The following AKAP6 variants were observed in gnomAD, a reference collection of about 807,000 sequenced individuals.
The protein encoded by AKAP6 is A-kinase anchoring protein 6, also known as A-kinase anchor protein 6.
A neutral mutation model predicts 188.5 loss-of-function variants in AKAP6; 58 were observed. The ratio of observed to expected loss-of-function variants is 0.31; its 90% CI spans 0.25 to 0.38. AKAP6 has a LOEUF of 0.38. Among genes scored for constraint, AKAP6 ranks in the 10% least tolerant of loss-of-function variants. The pLI, the probability that AKAP6 is intolerant of heterozygous loss-of-function variation, is 1.00. For synonymous variants in AKAP6, 989 were observed against 998.6 expected (o/e 0.99, Z 0.18); for missense variants, 2,710 against 2,740.0 (o/e 0.99, Z 0.24).
chr14:32,339,251 G>A (rs11621646), intron 1 of AKAP6, among the ~76,000 whole-genome samples: 8,958 of 152,192 alleles, frequency 0.059, 373 homozygotes, highest in Non-Finnish European at 0.081. Flanking sequence ...ATAACCCTGT[G>A]AGAGGAGGCC....
chr14:32,639,038 T>C (rs1432837499), intron 7 of AKAP6, among the ~76,000 whole-genome samples: 1 of 152,046 alleles, frequency 6.6e-6, no homozygotes, highest in Non-Finnish European at 1.5e-5. Flanking sequence ...ACTTCATATA[T>C]ATATAGGATT....
intron 1 of AKAP6, among the ~76,000 whole-genome samples, chr14:32,347,062 A>G (rs1263935516): frequency 1.3e-5 from 2 of 152,210 alleles, no homozygotes; most frequent in East Asian, 1.9e-4. Flanking sequence ...TCTCAGCTCT[A>G]TTTTGTTTTA....
intron 12 of AKAP6, among the ~76,000 whole-genome samples, chr14:32,820,833 A>AG (rs201709048): frequency 5.4e-4 from 82 of 152,202 alleles, no homozygotes; most frequent in African/African-American, 1.8e-3. Context: ...ACACAGAGGA[A>AG]GGGGGGGTAC....
chr14:32,439,765 A>G (rs1244534314), intron 2 of AKAP6, among the ~76,000 whole-genome samples: 2 of 116,944 alleles, frequency 1.7e-5, no homozygotes, highest in Non-Finnish European at 3.3e-5. Context: ...TCTGAGTGGA[A>G]CTAAACTTCT....
intron 1 of AKAP6, among the ~76,000 whole-genome samples, chr14:32,376,601 T>C (rs760421288): frequency 1.3e-5 from 2 of 152,260 alleles, no homozygotes; most frequent in Non-Finnish European, 2.9e-5. Context: ...AGTTCTCTAT[T>C]AAAACCAGAC....
At chr14:32,557,872 T>TA in intron 4 of AKAP6, among the ~76,000 whole-genome samples, 1 of 152,316 alleles carries the variant, frequency 6.6e-6, no homozygotes, top group Admixed American at 6.5e-5. Flanking sequence ...CATTTTTTTT[T>TA]AACTTTCCTT....
intron 12 of AKAP6, among the ~76,000 whole-genome samples, chr14:32,816,860 A>C (rs1476292553): frequency 3.9e-5 from 6 of 152,048 alleles, no homozygotes. Flanking sequence ...TGGTTTTTGC[A>C]TGTGGTACTG....
At chr14:32,716,534 ATATATAC>A (rs2030212869) in intron 9 of AKAP6, among the ~76,000 whole-genome samples, 2 of 149,802 alleles carry the variant, frequency 1.3e-5, no homozygotes, top group South Asian at 2.1e-4. Flanking sequence ...TATATACTAC[ATATATAC>A]TATATACTAT....
At chr14:32,558,040 A>C (rs1883767752) in intron 4 of AKAP6, among the ~76,000 whole-genome samples, 1 of 152,182 alleles carries the variant, frequency 6.6e-6, no homozygotes, top group South Asian at 2.1e-4. Context: ...GTATCCAAAA[A>C]GTCAAGGAAT....
intron 12 of AKAP6, among the ~76,000 whole-genome samples, chr14:32,811,514 TA>T (rs2034234224): frequency 6.6e-6 from 1 of 152,170 alleles, no homozygotes; most frequent in Non-Finnish European, 1.5e-5. Context: ...TTCCCATGGT[TA>T]GGTTACAACT....
At chr14:32,688,143 T>C (rs1890013747) in intron 8 of AKAP6, among the ~76,000 whole-genome samples, 1 of 150,780 alleles carries the variant, frequency 6.6e-6, no homozygotes, top group African/African-American at 2.4e-5. Context: ...ATATAGTGTG[T>C]ATATATATAC....
In AKAP6 at chr14:32,568,342, C is replaced by G. The variant is rs1884298938; in HGVS notation, c.2347-8778C>G. Among the ~76,000 whole-genome samples, 1 of 152,134 alleles carries G rather than the reference C, an allele frequency of 6.6e-6. No individual in the cohort carries two copies. Among genetic ancestry groups the G allele is most frequent in the Non-Finnish European group, 1.5e-5 (1 of 68,024 alleles). ...ACCTTAAATAAATTACATAACTTCTCTATGCCTTAGCCTCTTCATCTGTAC... is the reference window on the plus strand; with the variant it reads ...ACCTTAAATAAATTACATAACTTCTGTATGCCTTAGCCTCTTCATCTGTAC... On this transcript the variant is annotated intron_variant, in intron 4 of 13. Transcript: ENST00000280979. The surrounding 1 kb of genome is among the most constrained non-coding windows in gnomAD (Gnocchi z 6.2).
chr14:32,340,714 A>G (rs1165120931), intron 1 of AKAP6, among the ~76,000 whole-genome samples: 1 of 152,250 alleles, frequency 6.6e-6, no homozygotes, highest in East Asian at 1.9e-4. Flanking sequence ...CTTGTAAACA[A>G]CAGAAATTTA....
chr14:32,818,090 C>G (rs1374640291), intron 12 of AKAP6, among the ~76,000 whole-genome samples: 1 of 152,092 alleles, frequency 6.6e-6, no homozygotes, highest in African/African-American at 2.4e-5. Context: ...TGAGCGAGGG[C>G]AGAGTGAGTA....
intron 1 of AKAP6, among the ~76,000 whole-genome samples, chr14:32,346,181 G>T (rs1282236420): frequency 6.6e-6 from 1 of 152,160 alleles, no homozygotes; most frequent in Non-Finnish European, 1.5e-5. Context: ...TCCTGGTAAA[G>T]GTGCCCATGA....
At chr14:32,380,395 C>T (rs1594559756) in intron 1 of AKAP6, among the ~76,000 whole-genome samples, 1 of 152,268 alleles carries the variant, frequency 6.6e-6, no homozygotes. Flanking sequence ...CTAGAGACAA[C>T]ATTTTATAGT....
intron 2 of AKAP6, among the ~76,000 whole-genome samples, chr14:32,447,778 A>C (rs983204575): frequency 6.6e-6 from 1 of 152,210 alleles, no homozygotes; most frequent in Non-Finnish European, 1.5e-5. Context: ...TGGCAACTTA[A>C]TCATTCATTT....
At chr14:32,466,885 A>G (rs1878488509) in intron 2 of AKAP6, among the ~76,000 whole-genome samples, 2 of 142,014 alleles carry the variant, frequency 1.4e-5, no homozygotes, top group East Asian at 2.1e-4. Context: ...ATATATATGT[A>G]TATATATAAA....
intron 2 of AKAP6, among the ~76,000 whole-genome samples, chr14:32,530,254 T>C (rs527909261): frequency 2.0e-5 from 3 of 152,146 alleles, no homozygotes; most frequent in Non-Finnish European, 4.4e-5. Context: ...CTCGAACTCC[T>C]GAGTCCAAGC....
Sources: gnomAD v4.1 joint callset for allele counts (sites outside exome capture counted in the v4.1 genomes callset) on GRCh38, gnomAD v4.1.1 for gene constraint, Gnocchi (gnomAD v3.1) non-coding constraint, MANE v1.5 for transcripts, NCBI Gene and HGNC (gene_info 2026-07-23, HGNC 2026-07-21) for gene names.